The following TEAD1 variants were observed in gnomAD, a reference collection of about 807,000 sequenced individuals.
TEAD1 encodes the protein transcriptional enhancer factor TEF-1.
A neutral mutation model predicts 54.9 loss-of-function variants in TEAD1; 9 were observed. The observed-to-expected ratio is 0.16, with a 90% CI of 0.10 to 0.29. The LOEUF (loss-of-function observed/expected upper bound fraction) is 0.29. Among genes scored for constraint, TEAD1 ranks in the 10% least tolerant of loss-of-function variants. TEAD1 has a pLI of 1.00. For synonymous variants in TEAD1, 200 were observed against 187.8 expected (o/e 1.07, Z -0.53); for missense variants, 387 against 535.9 (o/e 0.72, Z 2.74).
intron 3 of TEAD1, among the ~76,000 whole-genome samples, chr11:12,801,265 G>A (rs1946054559): frequency 6.6e-6 from 1 of 152,172 alleles, no homozygotes; most frequent in African/African-American, 2.4e-5. Context: ...AGTTATACAT[G>A]GTGATTGGTC....
intron 3 of TEAD1, among the ~76,000 whole-genome samples, chr11:12,808,544 G>C (rs1210205379): frequency 1.3e-5 from 2 of 152,124 alleles, no homozygotes; most frequent in African/African-American, 2.4e-5. Context: ...GAGGGTCTCT[G>C]AGAATGAAAT....
At chr11:12,924,512 A>C (rs975854350) in intron 10 of TEAD1, among the ~76,000 whole-genome samples, 2 of 152,204 alleles carry the variant, frequency 1.3e-5, no homozygotes, top group African/African-American at 4.8e-5. Flanking sequence ...GTTTGTACAT[A>C]TATGACAAAT....
intron 3 of TEAD1, among the ~76,000 whole-genome samples, chr11:12,800,487 C>T (rs185228278): frequency 5.9e-5 from 9 of 152,206 alleles, no homozygotes; most frequent in African/African-American, 9.6e-5. Context: ...GGAAACACAG[C>T]GATGGTTCCT....
intron 2 of TEAD1, among the ~76,000 whole-genome samples, chr11:12,703,243 C>G (rs1197688941): frequency 6.6e-6 from 1 of 152,184 alleles, no homozygotes; most frequent in Non-Finnish European, 1.5e-5. Context: ...ATAACATTCT[C>G]TCTCCCAAAA....
intron 3 of TEAD1, among the ~76,000 whole-genome samples, chr11:12,801,969 G>A (rs1946068703): frequency 6.6e-6 from 1 of 152,154 alleles, no homozygotes; most frequent in African/African-American, 2.4e-5. Context: ...TTAGACTGAG[G>A]GCTGAAATGG....
chr11:12,763,550 T>C lies in TEAD1; in HGVS notation c.-54-629T>C, dbSNP rs1253787352. On this transcript the variant is annotated intron_variant, in intron 2 of 12. Coordinates refer to ENST00000527636, the MANE Select transcript of TEAD1 (RefSeq NM_021961.6). ...AGCATTGCTGTCTCAGTAGAATGAG[T>C]ATGTGTGATACCAAAATAATCTTCC... Among the ~76,000 whole-genome samples the C allele has an allele frequency of 2.0e-5, 3 of 152,294 alleles. No individual in the cohort carries two copies. In the East Asian group the frequency reaches 5.8e-4, roughly 29 times the overall value.
At chr11:12,692,223 A>G (rs759837198) in intron 2 of TEAD1, among the ~76,000 whole-genome samples, 3 of 152,184 alleles carry the variant, frequency 2.0e-5, no homozygotes, top group Non-Finnish European at 4.4e-5. Context: ...ACTTAGGCCA[A>G]CCACCCCCCA....
At chr11:12,731,428 G>A (rs1240729919) in intron 2 of TEAD1, among the ~76,000 whole-genome samples, 2 of 151,902 alleles carry the variant, frequency 1.3e-5, no homozygotes, top group East Asian at 1.9e-4. Context: ...TGATGTGGGT[G>A]TATATTGTTT....
chr11:12,749,396 T>G (rs1944817351), intron 2 of TEAD1, among the ~76,000 whole-genome samples: 1 of 152,078 alleles, frequency 6.6e-6, no homozygotes, highest in African/African-American at 2.4e-5. Context: ...GGAAATATAT[T>G]CCCCCTGCCT....
chr11:12,788,139 C>CTT (rs541990107), intron 3 of TEAD1, among the ~76,000 whole-genome samples: 4,278 of 129,250 alleles, frequency 0.033, 260 homozygotes, highest in African/African-American at 0.12. Context: ...CTAATTTTGT[C>CTT]TTTTTTTTTT....
intron 9 of TEAD1, among the ~76,000 whole-genome samples, chr11:12,884,612 C>G (rs909718005): frequency 6.6e-6 from 1 of 152,134 alleles, no homozygotes; most frequent in Non-Finnish European, 1.5e-5. Context: ...CCACTCATGT[C>G]TTTGTCCACA....
At chr11:12,819,399 A>C (rs1946485806) in intron 3 of TEAD1, among the ~76,000 whole-genome samples, 1 of 151,708 alleles carries the variant, frequency 6.6e-6, no homozygotes, top group South Asian at 2.1e-4. Context: ...CAGTCCATTT[A>C]TGCCTTATGC....
At chr11:12,840,351 A>G (rs1317563605) in intron 3 of TEAD1, among the ~76,000 whole-genome samples, 1 of 151,628 alleles carries the variant, frequency 6.6e-6, no homozygotes, top group African/African-American at 2.4e-5. Context: ...TCACTATGGA[A>G]TGGTTGTGTA....
chr11:12,719,389 A>G (rs1397310781), intron 2 of TEAD1, among the ~76,000 whole-genome samples: 3 of 152,142 alleles, frequency 2.0e-5, no homozygotes, highest in Admixed American at 6.5e-5. Context: ...ATTCTGTCCC[A>G]TGAGCTTCCT....
chr11:12,819,563 C>T lies in TEAD1; in HGVS notation c.203-42687C>T, dbSNP rs374752582. 1.6e-3 allele frequency among the ~76,000 whole-genome samples: 241 copies of T among 152,254 alleles called. 10 individuals carry two copies. The South Asian group carries it at 0.049, about 31-fold the overall frequency. On this transcript the variant is annotated intron_variant, in intron 3 of 12. Transcript: ENST00000527636. ...CTCCAGGTTCACGCCATTCTCCTGC[C>T]TCAGCCTCCCAAGTAGCTGGGACTA...
At chr11:12,711,811 T>C (rs187479597) in intron 2 of TEAD1, among the ~76,000 whole-genome samples, 1 of 152,308 alleles carries the variant, frequency 6.6e-6, no homozygotes, top group East Asian at 1.9e-4. Flanking sequence ...GCTGTAGCAA[T>C]GAAGCAAGTG....
At chr11:12,856,732 T>A (rs1457275397) in intron 3 of TEAD1, among the ~76,000 whole-genome samples, 1 of 152,156 alleles carries the variant, frequency 6.6e-6, no homozygotes, top group Non-Finnish European at 1.5e-5. Context: ...TCCTTCCCAG[T>A]GAAGGGAAAG....
chr11:12,941,378 C>T lies in TEAD1; in HGVS notation c.*4156C>T, dbSNP rs1421146355. On this transcript the variant is annotated 3_prime_UTR_variant, in exon 13 of 13. Transcript: ENST00000527636. ...AGCAAAGTCCTGCACTCAGACCAGC[C>T]AAAAAACAGCCCCCATTCCAAGTAC... is the stretch of plus-strand genomic sequence containing the variant. 1 of 152,104 alleles carries T rather than the reference C, an allele frequency of 6.6e-6. No individual in the cohort carries two copies. The highest frequency in any genetic ancestry group is 2.4e-5 in the African/African-American group (1 of 41,416). The allele number at this position is 152,104 out of a possible 1,614,324, so 9.4% of individuals were successfully genotyped here.
At chr11:12,892,679 A>G (rs994808153) in intron 9 of TEAD1, among the ~76,000 whole-genome samples, 14 of 152,140 alleles carry the variant, frequency 9.2e-5, no homozygotes, top group Non-Finnish European at 2.1e-4. Context: ...AAGAAGCAGC[A>G]GCAGTAAGGT....
Sources: allele counts gnomAD v4.1 joint callset (sites outside exome capture counted in the v4.1 genomes callset), GRCh38; gene constraint gnomAD v4.1.1; transcripts MANE v1.5; gene names NCBI Gene and HGNC (gene_info 2026-07-23, HGNC 2026-07-21).